Variants in FNDC3A observed in about 807,000 individuals in gnomAD.
The protein encoded by FNDC3A is fibronectin type III domain containing 3A.
A neutral mutation model predicts 148.9 loss-of-function variants in FNDC3A; 32 were observed. The observed-to-expected ratio is 0.21, with a 90% CI of 0.16 to 0.29. The LOEUF is 0.29. Among genes scored for constraint, FNDC3A ranks in the 10% least tolerant of loss-of-function variants. FNDC3A has a pLI of 1.00. For missense variants in FNDC3A, 1,191 were observed against 1,452.8 expected, an observed-to-expected ratio of 0.82 and a Z score of 2.93; for synonymous variants, 472 against 473.6, an observed-to-expected ratio of 1.00 and a Z score of 0.04.
intron 25 of FNDC3A, among the ~76,000 whole-genome samples, chr13:49,206,019 G>A (rs984835370): frequency 3.9e-5 from 6 of 152,124 alleles, no homozygotes; most frequent in African/African-American, 1.2e-4. Flanking sequence ...CTGACTTGTA[G>A]CCCACCAACT....
chr13:49,000,313 A>T (rs1266957134), intron 1 of FNDC3A, among the ~76,000 whole-genome samples: 1 of 152,220 alleles, frequency 6.6e-6, no homozygotes, highest in African/African-American at 2.4e-5. Context: ...CCAGTTTTTC[A>T]TACATCATTT....
intron 23 of FNDC3A, among the ~76,000 whole-genome samples, chr13:49,199,752 A>G (rs572543691): frequency 6.6e-6 from 1 of 152,318 alleles, no homozygotes; most frequent in African/African-American, 2.4e-5. Flanking sequence ...AATACAGTTC[A>G]GTTTTTCACT....
At chr13:49,018,065 TGACAATTATGTGTCTTG>T (rs934197440) in intron 2 of FNDC3A, among the ~76,000 whole-genome samples, 4 of 151,858 alleles carry the variant, frequency 2.6e-5, no homozygotes, top group Non-Finnish European at 4.4e-5. Context: ...TTGGTGAATC[TGACAATTATGTGTCTTG>T]GAGTTGCTCT....
intron 2 of FNDC3A, among the ~76,000 whole-genome samples, chr13:49,065,694 GT>G (rs1452006126): frequency 6.6e-6 from 1 of 152,100 alleles, no homozygotes; most frequent in Admixed American, 6.5e-5. Flanking sequence ...AAACATAATG[GT>G]TTTATGATTA....
chr13:49,189,062 G>T (rs1885739675), intron 17 of FNDC3A, among the ~76,000 whole-genome samples: 1 of 151,942 alleles, frequency 6.6e-6, no homozygotes, highest in Non-Finnish European at 1.5e-5. Flanking sequence ...AAAAAAGTTG[G>T]CCATTATTTT....
intron 9 of FNDC3A, 108 bp from the exon 10 acceptor site, chr13:49,168,505 A>G (rs1170931375): frequency 1.5e-6 from 1 of 651,956 alleles, no homozygotes; most frequent in African/African-American, 1.9e-5. Flanking sequence ...TTTTCTTGAT[A>G]GAACTTTTAG....
intron 4 of FNDC3A, among the ~76,000 whole-genome samples, chr13:49,126,059 T>A (rs940248777): frequency 6.6e-6 from 1 of 152,210 alleles, no homozygotes; most frequent in African/African-American, 2.4e-5. Flanking sequence ...TCACAACCAG[T>A]GTACCCTGTT....
At chr13:49,070,175 G>C (rs1046724441) in intron 2 of FNDC3A, among the ~76,000 whole-genome samples, 1 of 151,190 alleles carries the variant, frequency 6.6e-6, no homozygotes, top group Non-Finnish European at 1.5e-5. Flanking sequence ...ACTGTCACCC[G>C]GGCTGGAGTA....
At chr13:49,187,810 T>C in intron 16 of FNDC3A, 1 of 631,386 alleles carries the variant, frequency 1.6e-6, no homozygotes, top group Admixed American at 2.9e-5. Flanking sequence ...ATGATCCACT[T>C]TAAATTGTGA....
chr13:49,158,281 T>C (rs1353180151), intron 8 of FNDC3A, among the ~76,000 whole-genome samples: 20 of 152,176 alleles, frequency 1.3e-4, no homozygotes, highest in Admixed American at 1.3e-3. Flanking sequence ...GTGACCCGAT[T>C]TTCCAGGTGC....
intron 2 of FNDC3A, among the ~76,000 whole-genome samples, chr13:49,068,788 C>A (rs1201884892): frequency 6.6e-6 from 1 of 152,120 alleles, no homozygotes; most frequent in Non-Finnish European, 1.5e-5. Context: ...TTATCCTTAG[C>A]AAACTAACGC....
chr13:49,195,150 T>C (rs529112850), intron 19 of FNDC3A, among the ~76,000 whole-genome samples: 2 of 152,326 alleles, frequency 1.3e-5, no homozygotes, highest in African/African-American at 4.8e-5. Context: ...ATATTTATAC[T>C]GTAGATTTAT....
intron 11 of FNDC3A, among the ~76,000 whole-genome samples, chr13:49,173,467 A>G (rs1297424316): frequency 2.0e-5 from 3 of 152,220 alleles, no homozygotes; most frequent in Non-Finnish European, 4.4e-5. Flanking sequence ...TTCTTACTTG[A>G]TAGTTATTTT....
At chr13:49,053,168 G>A (rs1875974379) in intron 2 of FNDC3A, among the ~76,000 whole-genome samples, 1 of 152,200 alleles carries the variant, frequency 6.6e-6, no homozygotes, top group Admixed American at 6.5e-5. Context: ...CAGAAAGCAA[G>A]CAGACTCACA....
chr13:49,005,253 T>C (rs1185270624), intron 1 of FNDC3A, among the ~76,000 whole-genome samples: 2 of 151,924 alleles, frequency 1.3e-5, no homozygotes, highest in African/African-American at 2.4e-5. Flanking sequence ...TAATCTCTTA[T>C]AAAAGTTAAC....
chr13:48,992,306 T>C (rs982217949), intron 1 of FNDC3A, among the ~76,000 whole-genome samples: 4 of 152,216 alleles, frequency 2.6e-5, no homozygotes, highest in African/African-American at 9.6e-5. Context: ...AATTGTACTT[T>C]ATCATAATTT....
intron 3 of FNDC3A, among the ~76,000 whole-genome samples, chr13:49,100,307 C>T (rs773162930): frequency 3.3e-5 from 5 of 151,860 alleles, no homozygotes; most frequent in African/African-American, 4.8e-5. Context: ...TGATTTTTAG[C>T]CCCCTTTTTC....
intron 8 of FNDC3A, among the ~76,000 whole-genome samples, chr13:49,149,551 G>C (rs1053660186): frequency 1.3e-5 from 2 of 152,112 alleles, no homozygotes; most frequent in Non-Finnish European, 2.9e-5. Flanking sequence ...AATCCCACTT[G>C]ATCATGGTGT....
Position 49,156,683 on chromosome 13 carries a change from G to A in FNDC3A, c.978-10561G>A, listed in dbSNP as rs189416944. ...CCAGTTGTTGCTTTCCATGTTTACC[G>A]CTTCCTTCAGAAGCTCTTTTAGGGC... On this transcript the variant is annotated intron_variant, in intron 8 of 25. Coordinates refer to ENST00000492622, the MANE Select transcript of FNDC3A (RefSeq NM_001079673.2). 2.6e-3 allele frequency among the ~76,000 whole-genome samples: 389 copies of A among 150,914 alleles called. 9 individuals are homozygous for A. In the East Asian group the frequency reaches 0.04, roughly 16 times the overall value.
Sources: gnomAD v4.1 joint callset for allele counts (sites outside exome capture counted in the v4.1 genomes callset) on GRCh38, gnomAD v4.1.1 for gene constraint, MANE v1.5 for transcripts, NCBI Gene and HGNC (gene_info 2026-07-23, HGNC 2026-07-21) for gene names.